GPKOW: variants seen among roughly 807,000 people sequenced by gnomAD.
GPKOW encodes the protein G-patch domain and KOW motifs-containing protein.
For synonymous variants in GPKOW, 167 were observed against 159.1 expected (o/e 1.05, Z -0.37); for missense variants, 359 against 404.7 (o/e 0.89, Z 0.97).
chrX:49,115,977 G>A lies in GPKOW; in HGVS notation c.1054C>T (p.Pro352Ser), dbSNP rs1363228070. 1 of 1,211,461 alleles carries A rather than the reference G, an allele frequency of 8.3e-7. No individual in the cohort carries two copies. ...CTGTGCAACCAGTGCTGACTTCTGG[G>A]GGCTGCTTTCTCACTCTTGGCTGCA... ...GPAAKSEKAA[P>S]RSQHWLHRDL... The change falls in exon 8 of 11, where the codon CCC becomes TCC. Residue 352 changes from proline to serine, a missense_variant. Transcript: ENST00000156109.
intron 9 of GPKOW, among the ~76,000 whole-genome samples, chrX:49,114,740 TA>T (rs1210060078): frequency 9.7e-6 from 1 of 102,594 alleles, no homozygotes; most frequent in Admixed American, 1.1e-4. Context: ...GCTTGGCCAA[TA>T]TGGTGAAAAC....
In GPKOW at chrX:49,117,736, G is replaced by A; in HGVS notation, c.641C>T (p.Ala214Val). The A allele has an allele frequency of 1.7e-6, 2 of 1,209,958 alleles. No homozygotes were observed. The highest frequency in any genetic ancestry group is 2.2e-6 in the Non-Finnish European group (2 of 893,945). Residue 214 changes from alanine to valine, a missense_variant, in exon 5 of 11, where the codon GCC becomes GTC. Physicochemically the swap from Ala to Val is moderately conservative, Grantham distance 64. Coordinates refer to ENST00000156109, the MANE Select transcript of GPKOW (RefSeq NM_015698.6). ...GCGGGAGGGGCCAGTGGGGGTCAAG[G>A]CCTGGGCCTCGGTCAGGTTGGCACC... ...GLGANLTEAQ[A>V]LTPTGPSRMP...
At chrX:49,122,142 T>C (rs1230522177) in intron 3 of GPKOW, among the ~76,000 whole-genome samples, 4 of 112,527 alleles carry the variant, frequency 3.6e-5, no homozygotes, top group African/African-American at 1.3e-4. Context: ...CTTTAGGCAG[T>C]GTCTACCTTC....
chrX:49,120,761 T>C (rs782467396), intron 3 of GPKOW, among the ~76,000 whole-genome samples: 37 of 110,012 alleles, frequency 3.4e-4, no homozygotes, highest in Non-Finnish European at 6.8e-4. Context: ...TCTCCTGGGT[T>C]CAAGCGATTC....
intron 9 of GPKOW, 39 bp downstream of exon 9, chrX:49,115,687 C>T: frequency 8.8e-7 from 1 of 1,136,796 alleles, no homozygotes; most frequent in Non-Finnish European, 1.2e-6. Flanking sequence ...CTAAAACACT[C>T]TTCTTGATCA....
Position 49,117,729 on chromosome X carries a change from G to A in GPKOW, c.648C>T (p.Thr216=). 8.3e-7 allele frequency: 1 copy of A among 1,209,498 alleles called. No individual in the cohort carries two copies. Among genetic ancestry groups the A allele is most frequent in the South Asian group, 1.8e-5 (1 of 56,926 alleles). The change falls in exon 5 of 11, where the codon ACC becomes ACT. Residue 216 remains threonine, a synonymous_variant. Coordinates refer to ENST00000156109, the MANE Select transcript of GPKOW (RefSeq NM_015698.6). ...TTGGCATGCGGGAGGGGCCAGTGGG[G>A]GTCAAGGCCTGGGCCTCGGTCAGGT... ...GANLTEAQAL[T]PTGPSRMPRP...
chrX:49,121,653 CTT>C (rs1259298420), intron 3 of GPKOW, among the ~76,000 whole-genome samples: 1 of 110,575 alleles, frequency 9.0e-6, no homozygotes, highest in Non-Finnish European at 1.9e-5. Flanking sequence ...CACGTCCCCT[CTT>C]GTCACCTCCC....
At chrX:49,116,136 G>A (rs2065192902) in intron 7 of GPKOW, 85 bp downstream of exon 7, 11 of 1,109,578 alleles carry the variant, frequency 9.9e-6, no homozygotes, top group Middle Eastern at 2.5e-4. Flanking sequence ...CTATGAGCCC[G>A]CCTTGCCTTG....
intron 9 of GPKOW, 139 bp from the exon 10 acceptor site, chrX:49,114,077 C>T (rs782249397): frequency 5.9e-4 from 269 of 457,984 alleles, no homozygotes; most frequent in East Asian, 1.7e-3. Flanking sequence ...TTGGGAGGAT[C>T]GCTTGAGCCC....
At chrX:49,121,027 T>G (rs191451120) in intron 3 of GPKOW, among the ~76,000 whole-genome samples, 1 of 111,710 alleles carries the variant, frequency 9.0e-6, no homozygotes, top group East Asian at 2.8e-4. Flanking sequence ...ACCTGATATG[T>G]AGAAAGCTGC....
At chrX:49,115,243 C>T (rs896103757) in intron 9 of GPKOW, among the ~76,000 whole-genome samples, 11 of 109,705 alleles carry the variant, frequency 1.0e-4, no homozygotes, top group African/African-American at 3.3e-4. Context: ...CGGTGGCTCA[C>T]GCTTGTAATC....
At chrX:49,116,193 G>T (rs1344455313) in intron 7 of GPKOW, 28 bp downstream of exon 7, 2 of 1,122,452 alleles carry the variant, frequency 1.8e-6, no homozygotes, top group African/African-American at 1.8e-5. Flanking sequence ...CTGCCTTCTT[G>T]ACCCCTCCCG....
chrX:49,116,926 G>T, intron 6 of GPKOW, 104 bp downstream of exon 6: 1 of 655,396 alleles, frequency 1.5e-6, no homozygotes, highest in Non-Finnish European at 2.4e-6. Context: ...CAGGCACACT[G>T]CTGCCCCTCC....
intron 7 of GPKOW, 45 bp downstream of exon 7, chrX:49,116,176 C>A: frequency 9.0e-7 from 1 of 1,106,759 alleles, no homozygotes; most frequent in South Asian, 1.8e-5. Flanking sequence ...CGAGCCTACC[C>A]ACAGCCCTGC....
At chrX:49,114,922 C>CAAAA (rs1169588195) in intron 9 of GPKOW, among the ~76,000 whole-genome samples, 38 of 45,570 alleles carry the variant, frequency 8.3e-4, no homozygotes, top group African/African-American at 4.7e-3. Context: ...GACTCTGTTT[C>CAAAA]AAAAAAAAAA....
intron 1 of GPKOW, 41 bp from the exon 2 acceptor site, chrX:49,122,817 G>C: frequency 9.1e-7 from 1 of 1,094,421 alleles, no homozygotes; most frequent in Non-Finnish European, 1.3e-6. Context: ...AGAATGGCAG[G>C]GTCAGTGGGT....
At position 49,119,717 on chromosome X, in the gene GPKOW, C is replaced by T. The variant is rs782767447; in HGVS notation, c.554G>A (p.Arg185His). The change falls in exon 4 of 11, where the codon CGC becomes CAC. Residue 185 changes from arginine (R) to histidine (H), a missense_variant. Arg to His is a conservative substitution (Grantham distance 29). Coordinates refer to ENST00000156109, the MANE Select transcript of GPKOW (RefSeq NM_015698.6). Reference sequence around the variant, plus strand: ...TCCCAGAACTCACTGATTGAAGGTGCGGCCGATGCCCTCGCCAGGTTTCCA... The same window carrying T: ...TCCCAGAACTCACTGATTGAAGGTGTGGCCGATGCCCTCGCCAGGTTTCCA... ...MGWKPGEGIGRTFNQVVKPRV... is the reference protein window; with the variant it reads ...MGWKPGEGIGHTFNQVVKPRV... 3.4e-6 allele frequency: 4 copies of T among 1,172,801 alleles called. No homozygotes were observed. The highest frequency in any genetic ancestry group is 2.3e-4 in the Middle Eastern group (1 of 4,262).
At chrX:49,119,950 C>T in intron 3 of GPKOW, 136 bp from the exon 4 acceptor site, 3 of 435,167 alleles carry the variant, frequency 6.9e-6, no homozygotes, top group Non-Finnish European at 1.2e-5. Flanking sequence ...TTTTGATTTC[C>T]TCTTTCCATC....
chrX:49,122,474 G>T lies in GPKOW; in HGVS notation c.380C>A (p.Thr127Lys). The T allele has an allele frequency of 8.3e-7, 1 of 1,200,747 alleles. No homozygotes were observed. The highest frequency in any genetic ancestry group is 2.7e-4 in the Middle Eastern group (1 of 3,639). Residue 127 changes from threonine to lysine, a missense_variant, in exon 3 of 11, where the codon ACG (threonine) becomes AAG (lysine). Physicochemically the swap from Thr to Lys is moderately conservative, Grantham distance 78 (BLOSUM62 -1). Coordinates refer to ENST00000156109, the MANE Select transcript of GPKOW (RefSeq NM_015698.6). Reference sequence around the variant, plus strand: ...TTTCTGGATCATGGGGATAGCGAGCGTGGGGTCGACACCCGCATTCTCTCT... The same window carrying T: ...TTTCTGGATCATGGGGATAGCGAGCTTGGGGTCGACACCCGCATTCTCTCT... ...EERENAGVDP[T>K]LAIPMIQKGC...
Sources: gnomAD v4.1 joint callset for allele counts (sites outside exome capture counted in the v4.1 genomes callset) on GRCh38, gnomAD v4.1.1 for gene constraint, MANE v1.5 for transcripts, NCBI Gene and HGNC (gene_info 2026-07-23, HGNC 2026-07-21) for gene names.